SND1: variants seen among roughly 807,000 people sequenced by gnomAD.
SND1 encodes staphylococcal nuclease and tudor domain containing 1.
A neutral mutation model predicts 121.7 loss-of-function variants in SND1; 38 were observed. The observed-to-expected ratio is 0.31, with a 90% CI of 0.24 to 0.41. SND1 has a LOEUF of 0.41. Among genes scored for constraint, SND1 ranks in the 10% least tolerant of loss-of-function variants. SND1 has a pLI of 1.00. For synonymous variants in SND1, 401 were observed against 447.4 expected, an observed-to-expected ratio of 0.90 and a Z score of 1.31; for missense variants, 868 against 1,184.6, an observed-to-expected ratio of 0.73 and a Z score of 3.92.
At chr7:128,000,368 C>CTTTTTTT (rs34812649) in intron 16 of SND1, among the ~76,000 whole-genome samples, 2 of 135,198 alleles carry the variant, frequency 1.5e-5, no homozygotes, top group African/African-American at 5.6e-5. Context: ...GCTTTTGCTT[C>CTTTTTTT]TTTTTTTTTT....
At chr7:127,815,909 G>T (rs1455645291) in intron 11 of SND1, among the ~76,000 whole-genome samples, 1 of 152,128 alleles carries the variant, frequency 6.6e-6, no homozygotes, top group African/African-American at 2.4e-5. Context: ...GATAATGTCA[G>T]CATTCTTTCA....
intron 10 of SND1, among the ~76,000 whole-genome samples, chr7:127,783,296 G>A (rs1797755038): frequency 6.6e-6 from 1 of 152,158 alleles, no homozygotes; most frequent in Non-Finnish European, 1.5e-5. Flanking sequence ...AGCCTGTTTT[G>A]ATTTTTGAAG....
At chr7:127,965,319 T>C (rs1801829331) in intron 15 of SND1, among the ~76,000 whole-genome samples, 1 of 21,950 alleles carries the variant, frequency 4.6e-5, no homozygotes. Flanking sequence ...AGAGAGGGCA[T>C]CCCTGTCTTG....
intron 20 of SND1, chr7:128,086,726 G>T: frequency 1.6e-6 from 1 of 607,236 alleles, no homozygotes; most frequent in Admixed American, 2.6e-5. Context: ...CCCAGAGTGA[G>T]CTCCCCATCT....
chr7:127,832,543 A>G (rs952758218), intron 11 of SND1, among the ~76,000 whole-genome samples: 1 of 152,264 alleles, frequency 6.6e-6, no homozygotes, highest in African/African-American at 2.4e-5. Flanking sequence ...TCTAAGGCAG[A>G]CAATTCTTCA....
At chr7:128,074,370 G>C (rs542181798) in intron 16 of SND1, 132 bp from the exon 17 acceptor site, 1 of 829,766 alleles carries the variant, frequency 1.2e-6, no homozygotes, top group Admixed American at 2.9e-5. Context: ...GGTTCTGGGG[G>C]TTCCCAGAGG....
In SND1 at chr7:127,861,418, A is replaced by G. The variant is rs192435225; in HGVS notation, c.1343+16994A>G. On this transcript the variant is annotated intron_variant, in intron 12 of 23. Coordinates refer to ENST00000354725, the MANE Select transcript of SND1 (RefSeq NM_014390.4). ...TGTGTGTTTAGTGTGGCTGAGAATC[A>G]TTGCTTTTGAAGGGATGCTCTCTGC... Among the ~76,000 whole-genome samples the G allele has an allele frequency of 4.0e-4, 61 of 152,144 alleles. 2 individuals carry two copies. The East Asian group carries it at 0.01, about 26-fold the overall frequency.
At chr7:128,016,789 C>A (rs1269674379) in intron 16 of SND1, among the ~76,000 whole-genome samples, 2 of 151,660 alleles carry the variant, frequency 1.3e-5, no homozygotes, top group Non-Finnish European at 2.9e-5. Flanking sequence ...CTTCCTGTTA[C>A]AATTGTTACT....
At chr7:128,017,299 G>A (rs2116957597) in intron 16 of SND1, among the ~76,000 whole-genome samples, 1 of 152,286 alleles carries the variant, frequency 6.6e-6, no homozygotes, top group East Asian at 1.9e-4. Flanking sequence ...CTTACAGAGG[G>A]CTATCATCAC....
In SND1 at chr7:127,801,822, G is replaced by A. The variant is rs572413602; in HGVS notation, c.1153-5662G>A. Reference sequence around the variant, plus strand: ...GTGGGGTTTAGGATTGCCAGCCTCCGCGTGGTCAAAAATTCATGTATAGAA... The same window carrying A: ...GTGGGGTTTAGGATTGCCAGCCTCCACGTGGTCAAAAATTCATGTATAGAA... On this transcript the variant is annotated intron_variant, in intron 10 of 23. Coordinates refer to ENST00000354725, the MANE Select transcript of SND1 (RefSeq NM_014390.4). Among the ~76,000 whole-genome samples the A allele has an allele frequency of 2.0e-4, 30 of 152,182 alleles. No individual in the cohort carries two copies. The South Asian group carries it at 4.4e-3, about 22-fold the overall frequency.
chr7:127,782,308 G>A (rs1018267043), intron 10 of SND1, among the ~76,000 whole-genome samples: 2 of 152,164 alleles, frequency 1.3e-5, no homozygotes, highest in Non-Finnish European at 2.9e-5. Flanking sequence ...TCACAATAGT[G>A]GTTTCTGTGA....
intron 16 of SND1, among the ~76,000 whole-genome samples, chr7:128,018,530 T>C (rs1317473427): frequency 6.6e-6 from 1 of 152,198 alleles, no homozygotes; most frequent in African/African-American, 2.4e-5. Flanking sequence ...GAAATGAATC[T>C]GGCTGAGGAA....
At chr7:127,879,697 T>C (rs1181298874) in intron 12 of SND1, among the ~76,000 whole-genome samples, 1 of 152,104 alleles carries the variant, frequency 6.6e-6, no homozygotes, top group African/African-American at 2.4e-5. Flanking sequence ...TGAGAATGCC[T>C]GTAATTGTGG....
chr7:127,666,332 T>G (rs188596384), intron 1 of SND1, among the ~76,000 whole-genome samples: 1 of 152,294 alleles, frequency 6.6e-6, no homozygotes, highest in Non-Finnish European at 1.5e-5. Flanking sequence ...TAATGAAAGT[T>G]CTTAGGAGAA....
At chr7:128,068,194 G>T (rs1312593970) in intron 16 of SND1, among the ~76,000 whole-genome samples, 1 of 152,112 alleles carries the variant, frequency 6.6e-6, no homozygotes, top group African/African-American at 2.4e-5. Flanking sequence ...TGGTTTGAAA[G>T]CTGAGTTCTT....
intron 10 of SND1, among the ~76,000 whole-genome samples, chr7:127,785,389 T>C (rs1797793823): frequency 6.6e-6 from 1 of 152,216 alleles, no homozygotes; most frequent in Non-Finnish European, 1.5e-5. Flanking sequence ...GTGATATTGA[T>C]TCATCTTGTG....
At chr7:127,705,682 C>T (rs1318074096) in intron 8 of SND1, among the ~76,000 whole-genome samples, 1 of 152,076 alleles carries the variant, frequency 6.6e-6, no homozygotes, top group Non-Finnish European at 1.5e-5. Context: ...GAAAATAAAG[C>T]AGGTAGCAAC....
intron 10 of SND1, among the ~76,000 whole-genome samples, chr7:127,780,522 A>G (rs996494644): frequency 5.3e-5 from 8 of 152,260 alleles, no homozygotes; most frequent in Admixed American, 6.5e-5. Context: ...CCCATCAGAA[A>G]TAATTTCAGC....
chr7:127,758,066 G>C (rs1797230736), intron 10 of SND1, among the ~76,000 whole-genome samples: 1 of 152,144 alleles, frequency 6.6e-6, no homozygotes, highest in South Asian at 2.1e-4. Flanking sequence ...TCCTTGTAAG[G>C]CACCCACACA....
Sources: gnomAD v4.1 joint callset for allele counts (sites outside exome capture counted in the v4.1 genomes callset) on GRCh38, gnomAD v4.1.1 for gene constraint, MANE v1.5 for transcripts, NCBI Gene and HGNC (gene_info 2026-07-23, HGNC 2026-07-21) for gene names.